Variants in PHF20L1 observed in about 807,000 individuals in gnomAD.
The protein encoded by PHF20L1 is PHD finger protein 20 like 1, also known as PHD finger protein 20-like protein 1.
A neutral mutation model predicts 125.5 loss-of-function variants in PHF20L1; 44 were observed. The observed-to-expected ratio is 0.35, with a 90% CI of 0.28 to 0.45. PHF20L1 has a LOEUF of 0.45. Among genes scored for constraint, PHF20L1 ranks in the 20% least tolerant of loss-of-function variants. The pLI is 1.00. For missense variants in PHF20L1, 1,012 were observed against 1,217.2 expected, an observed-to-expected ratio of 0.83 and a Z score of 2.51; for synonymous variants, 380 against 403.1, an observed-to-expected ratio of 0.94 and a Z score of 0.69.
chr8:132,832,057 T>TC, intron 14 of PHF20L1, among the ~76,000 whole-genome samples, 178 bp from the exon 15 acceptor site: 1 of 152,222 alleles, frequency 6.6e-6, no homozygotes, highest in Non-Finnish European at 1.5e-5. Context: ...TATATTTGTT[T>TC]CCCAAGTGTT....
chr8:132,834,434 A>T (rs1388877029), intron 15 of PHF20L1, among the ~76,000 whole-genome samples: 2 of 152,080 alleles, frequency 1.3e-5, no homozygotes, highest in Non-Finnish European at 2.9e-5. Context: ...CCTTGGCTCA[A>T]GCAATCCTCT....
chr8:132,788,145 C>A (rs1769292391), intron 2 of PHF20L1, among the ~76,000 whole-genome samples: 1 of 152,040 alleles, frequency 6.6e-6, no homozygotes, highest in African/African-American at 2.4e-5. Flanking sequence ...AAGAGAACAT[C>A]CTTGTTCAGA....
intron 19 of PHF20L1, chr8:132,843,160 T>C: frequency 9.3e-7 from 1 of 1,080,322 alleles, no homozygotes; most frequent in Non-Finnish European, 1.1e-6. Context: ...ATGAACCACA[T>C]TGTATTCAAA....
In PHF20L1 at chr8:132,786,505, T is replaced by A. The variant is rs148520462; in HGVS notation, c.84-7905T>A. Reference sequence around the variant, plus strand: ...ATAGATAACTTGATTTTTGTATTGTTTTATCTGTTTTTAATACATCTTTGG... The same window carrying A: ...ATAGATAACTTGATTTTTGTATTGTATTATCTGTTTTTAATACATCTTTGG... On this transcript the variant is annotated intron_variant, in intron 2 of 20. Transcript: ENST00000395386. Among the ~76,000 whole-genome samples, 3 of 152,200 alleles carry A rather than the reference T, an allele frequency of 2.0e-5. No individual in the cohort carries two copies. In the East Asian group the frequency reaches 5.8e-4, roughly 29 times the overall value.
In PHF20L1 at chr8:132,825,360, C is replaced by A. The variant is rs750733045; in HGVS notation, c.1733C>A (p.Ser578Tyr). The change falls in exon 14 of 21, where the codon TCT becomes TAT. Residue 578 changes from serine (S) to tyrosine (Y), a missense_variant. By Grantham distance (144) the Ser-to-Tyr change is moderately radical. Coordinates refer to ENST00000395386, the MANE Select transcript of PHF20L1 (RefSeq NM_016018.5). ...QKKKKKKKKK[S>Y]KQHDYSDYED... ...AAGAAGAAAAAAAAGAAAAAGAAAT[C>A]TAAGCAACATGGTAAGTACACTGAG... 2.0e-6 allele frequency: 3 copies of A among 1,503,250 alleles called. No homozygotes were observed. Among genetic ancestry groups the A allele is most frequent in the Non-Finnish European group, 2.7e-6 (3 of 1,115,478 alleles). 93.1% of individuals were successfully genotyped at this position (1,503,250 alleles called of 1,614,324 possible). A position where few individuals can be genotyped will look rare whatever the true frequency, so the allele number is the denominator to read the frequency against.
chr8:132,782,149 A>T (rs945015156), intron 2 of PHF20L1, among the ~76,000 whole-genome samples: 1 of 152,222 alleles, frequency 6.6e-6, no homozygotes, highest in African/African-American at 2.4e-5. Flanking sequence ...TCATAAGAAT[A>T]AAAATGAGTA....
intron 2 of PHF20L1, among the ~76,000 whole-genome samples, chr8:132,784,606 AGAG>A (rs775060345): frequency 6.6e-6 from 1 of 152,174 alleles, no homozygotes; most frequent in African/African-American, 2.4e-5. Flanking sequence ...GCTGGCTACT[AGAG>A]GAGAAAATGA....
At chr8:132,779,939 A>G (rs1007344991) in intron 2 of PHF20L1, among the ~76,000 whole-genome samples, 2 of 152,206 alleles carry the variant, frequency 1.3e-5, no homozygotes, top group Admixed American at 6.5e-5. Context: ...TTTAATTTTA[A>G]TGACCCTGGT....
At chr8:132,807,797 A>T (rs1012858106) in intron 8 of PHF20L1, 1 of 454,562 alleles carries the variant, frequency 2.2e-6, no homozygotes, top group Non-Finnish European at 4.4e-6. Context: ...GGTGGAACTG[A>T]TGACTATTTG....
Position 132,845,828 on chromosome 8 carries a change from C to G in PHF20L1, c.2959C>G (p.Pro987Ala). 6.2e-7 allele frequency: 1 copy of G among 1,609,896 alleles called. No homozygotes were observed. The highest frequency in any genetic ancestry group is 8.5e-7 in the Non-Finnish European group (1 of 1,176,382). The change falls in exon 21 of 21, where the codon CCT becomes GCT. Residue 987 changes from proline to alanine, a missense_variant. Around this residue, in one of 7 missense-constraint regions of PHF20L1, gnomAD observed 277 missense variants for 283.6 expected, o/e 0.98. Coordinates refer to ENST00000395386, the MANE Select transcript of PHF20L1 (RefSeq NM_016018.5). Reference sequence around the variant, plus strand: ...CACAGGGGAGTTGGAGCCACCAGATCCTCTTGCAAGATTGCCCCAACTTAA... The same window carrying G: ...CACAGGGGAGTTGGAGCCACCAGATGCTCTTGCAAGATTGCCCCAACTTAA... ...DFTGELEPPDPLARLPQLKRH... is the reference protein window; with the variant it reads ...DFTGELEPPDALARLPQLKRH...
chr8:132,831,372 T>C (rs1410426974), intron 14 of PHF20L1, among the ~76,000 whole-genome samples: 3 of 152,016 alleles, frequency 2.0e-5, no homozygotes, highest in African/African-American at 7.2e-5. Context: ...CACCTCCTTT[T>C]TTCCTTCCCT....
intron 2 of PHF20L1, among the ~76,000 whole-genome samples, chr8:132,785,738 C>A (rs1017323836): frequency 3.9e-5 from 6 of 151,998 alleles, no homozygotes; most frequent in Non-Finnish European, 7.4e-5. Context: ...AGGATTGTTG[C>A]AGTAAAGTTG....
At position 132,775,418 on chromosome 8, in the gene PHF20L1, C is replaced by CGGCGGCGAT. The variant is rs1348264351; in HGVS notation, c.-261_-253dup. Reference sequence around the variant, plus strand: ...TGGCCGGCGGCGGAGGCGGCGGCGGCGGCGGCGATGGCAGCGGACCCTGAG... The same window carrying CGGCGGCGAT: ...TGGCCGGCGGCGGAGGCGGCGGCGGCGGCGGCGATGGCGGCGATGGCAGCGGACCCTGAG... On this transcript the variant is annotated 5_prime_UTR_variant, in exon 1 of 21. The change creates a new upstream start codon in the 5' untranslated region. Coordinates refer to ENST00000395386, the MANE Select transcript of PHF20L1 (RefSeq NM_016018.5). 1.8e-5 allele frequency: 7 copies of CGGCGGCGAT among 384,192 alleles called. No individual in the cohort carries two copies. Among genetic ancestry groups the CGGCGGCGAT allele is most frequent in the East Asian group, 7.8e-5 (2 of 25,720 alleles). 23.8% of individuals were successfully genotyped at this position (384,192 alleles called of 1,614,324 possible).
At chr8:132,818,363 A>AT (rs904971609) in intron 12 of PHF20L1, 3 of 151,838 alleles carry the variant, frequency 2.0e-5, no homozygotes, top group Non-Finnish European at 1.5e-5. Context: ...CAGTTTGTTG[A>AT]TTCGTTACCA....
rs368421979 is a variant in PHF20L1, at chr8:132,792,099, A to G, written c.84-2311A>G. Among the ~76,000 whole-genome samples the G allele has an allele frequency of 2.3e-4, 35 of 152,338 alleles. No individual in the cohort carries two copies. The South Asian group carries it at 6.6e-3, about 29-fold the overall frequency. ...ATATAGAGTTGTATAGATTTAGAAT[A>G]TGAGGGAACCTAAAGAATAAACTCC... is the stretch of plus-strand genomic sequence containing the variant. On this transcript the variant is annotated intron_variant, in intron 2 of 20. Coordinates refer to ENST00000395386, the MANE Select transcript of PHF20L1 (RefSeq NM_016018.5).
intron 6 of PHF20L1, chr8:132,800,070 A>G (rs1417534487): frequency 6.6e-6 from 1 of 150,736 alleles, no homozygotes; most frequent in African/African-American, 2.4e-5. Flanking sequence ...CTTTAAAACA[A>G]TTATTTTGTT....
At chr8:132,785,076 A>C (rs553414363) in intron 2 of PHF20L1, among the ~76,000 whole-genome samples, 2 of 152,170 alleles carry the variant, frequency 1.3e-5, no homozygotes, top group Non-Finnish European at 2.9e-5. Context: ...GCTGTGCTTT[A>C]TGTGTGTGTG....
At chr8:132,813,200 CTAA>C in intron 9 of PHF20L1, 1 of 759,388 alleles carries the variant, frequency 1.3e-6, no homozygotes, top group Non-Finnish European at 1.6e-6. Flanking sequence ...AGTAATGGCT[CTAA>C]TTACTTTTCT....
rs1241313229 is a variant in PHF20L1, at chr8:132,814,848, C to T, written c.1142C>T (p.Thr381Met). ...SPELIQVEDL[T>M]LVSQLSSSVI... ...GAATTAATACAAGTCGAGGATTTGA[C>T]GCTTGTATCTCAGCTTTCTTCTTCA... The change falls in exon 10 of 21, where the codon ACG becomes ATG. Residue 381 changes from threonine (T) to methionine (M), a missense_variant. Coordinates refer to ENST00000395386, the MANE Select transcript of PHF20L1 (RefSeq NM_016018.5). 6.2e-6 allele frequency: 10 copies of T among 1,608,656 alleles called. No homozygotes were observed. Among genetic ancestry groups the T allele is most frequent in the Admixed American group, 1.7e-5 (1 of 59,842 alleles).
Sources: gnomAD v4.1 joint callset for allele counts (sites outside exome capture counted in the v4.1 genomes callset) on GRCh38, gnomAD v4.1.1 for gene constraint, gnomAD v4.1.1 regional missense constraint, MANE v1.5 for transcripts, NCBI Gene and HGNC (gene_info 2026-07-23, HGNC 2026-07-21) for gene names.